Variants in PRPH2 observed in about 807,000 individuals in gnomAD.
PRPH2 encodes peripherin 2, also known as peripherin-2.
Under a neutral mutation model 31.3 loss-of-function variants are expected in PRPH2, and 17 were observed. The observed-to-expected ratio is 0.54, with a 90% CI of 0.37 to 0.81. PRPH2 has a LOEUF of 0.81. Among genes scored for constraint, PRPH2 ranks in the 40% least tolerant of loss-of-function variants. PRPH2 has a pLI of 0.00. For missense variants in PRPH2, 430 were observed against 439.7 expected (o/e 0.98, Z 0.20); for synonymous variants, 165 against 184.4 (o/e 0.89, Z 0.85).
intron 1 of PRPH2, among the ~76,000 whole-genome samples, chr6:42,711,151 T>A (rs974933945): frequency 1.3e-5 from 2 of 152,150 alleles, no homozygotes; most frequent in African/African-American, 4.8e-5. Context: ...GTGACTGGAT[T>A]ACAAGCGCTC....
chr6:42,698,609 C>A, intron 2 of PRPH2, 102 bp from the exon 3 acceptor site: 2 of 1,522,700 alleles, frequency 1.3e-6, no homozygotes, highest in South Asian at 1.2e-5. Flanking sequence ...CCAGAGAGGA[C>A]TCAACCTGAG....
rs1322770706 is a variant in PRPH2, at chr6:42,722,501, C to A, written c.-167G>T. The A allele has an allele frequency of 6.7e-7, 1 of 1,497,064 alleles. No homozygotes were observed. Among genetic ancestry groups the A allele is most frequent in the Non-Finnish European group, 8.9e-7 (1 of 1,128,060 alleles). 92.7% of individuals were successfully genotyped at this position (1,497,064 alleles called of 1,614,324 possible). A position where few individuals can be genotyped will look rare whatever the true frequency, so the allele number is the denominator to read the frequency against. ...TCGAGTCCCACTAGCCTGGGATCCC[C>A]GTGAATGCAGTAGTGGTGGCAGGGG... On this transcript the variant is annotated 5_prime_UTR_variant, in exon 1 of 3. Coordinates refer to ENST00000230381, the MANE Select transcript of PRPH2 (RefSeq NM_000322.5). The surrounding 1 kb of genome is among the most constrained non-coding windows in gnomAD (Gnocchi z 4.4).
intron 1 of PRPH2, chr6:42,712,077 C>G (rs1212701699): frequency 1.7e-6 from 1 of 592,198 alleles, no homozygotes; most frequent in Non-Finnish European, 2.1e-6. Context: ...ACCCAGACTA[C>G]TGGTTTATGA....
chr6:42,700,665 C>T (rs1328368800), intron 2 of PRPH2, among the ~76,000 whole-genome samples: 1 of 152,210 alleles, frequency 6.6e-6, no homozygotes, highest in Non-Finnish European at 1.5e-5. Flanking sequence ...TCCCCTCCTG[C>T]TTTCCTGAAG....
chr6:42,722,064 A>T lies in PRPH2; in HGVS notation c.271T>A (p.Tyr91Asn), dbSNP rs747893076. Residue 91 changes from tyrosine to asparagine, a missense_variant, in exon 1 of 3, where the codon TAT becomes AAT. Transcript: ENST00000230381. This position sits in a 1 kb window ranked among gnomAD's most constrained non-coding sequence, Gnocchi z 4.4. ...TTCAGCCAGGGCTTCCATCTGGCAT[A>T]CTTGGCTGGGTCCAGGGCGTCGTAG... ...ICYDALDPAK[Y>N]ARWKPWLKPY... The T allele has an allele frequency of 3.9e-5, 63 of 1,614,076 alleles. No homozygotes were observed. Among genetic ancestry groups the T allele is most frequent in the Non-Finnish European group, 1.2e-5 (14 of 1,180,046 alleles).
At chr6:42,707,150 T>A (rs1329995095) in intron 1 of PRPH2, among the ~76,000 whole-genome samples, 1 of 152,146 alleles carries the variant, frequency 6.6e-6, no homozygotes, top group Non-Finnish European at 1.5e-5. Flanking sequence ...TCCACCTGCC[T>A]CAGCCTCCCA....
At chr6:42,713,061 C>T (rs1379440960) in intron 1 of PRPH2, among the ~76,000 whole-genome samples, 1 of 151,472 alleles carries the variant, frequency 6.6e-6, no homozygotes, top group Non-Finnish European at 1.5e-5. Flanking sequence ...CCTGTCTCTA[C>T]TAAAAATATA....
intron 2 of PRPH2, among the ~76,000 whole-genome samples, chr6:42,701,666 G>A (rs1057307386): frequency 1.6e-5 from 2 of 126,060 alleles, no homozygotes; most frequent in Admixed American, 9.3e-5. Flanking sequence ...ATAGGCATGC[G>A]CCACCACGTC....
At chr6:42,704,635 A>G (rs1800119462) in intron 1 of PRPH2, 24 bp from the exon 2 acceptor site, 7 of 1,614,186 alleles carry the variant, frequency 4.3e-6, no homozygotes, top group Non-Finnish European at 5.9e-6. Context: ...AGACAGCTGG[A>G]GATGGGCTTC....
chr6:42,704,247 A>G, intron 2 of PRPH2, 118 bp downstream of exon 2: 1 of 1,376,068 alleles, frequency 7.3e-7, no homozygotes, highest in Non-Finnish European at 1.0e-6. Flanking sequence ...CCACAGCTCC[A>G]CTGAAGGCTG....
At chr6:42,718,181 C>T (rs915399961) in intron 1 of PRPH2, among the ~76,000 whole-genome samples, 42 of 151,580 alleles carry the variant, frequency 2.8e-4, no homozygotes, top group African/African-American at 9.5e-4. Context: ...TGTGGTGGCT[C>T]ACGTCTGTAG....
rs977026804 is a variant in PRPH2, at chr6:42,722,520, G to GC, written c.-187dup. On this transcript the variant is annotated 5_prime_UTR_variant, in exon 1 of 3. Transcript: ENST00000230381. The surrounding 1 kb of genome is among the most constrained non-coding windows in gnomAD (Gnocchi z 4.4). ...GATCCCCGTGAATGCAGTAGTGGTG[G>GC]CAGGGGTCTCGGAATCACAGCTTGA... The GC allele has an allele frequency of 6.1e-6, 9 of 1,467,982 alleles. No individual in the cohort carries two copies. In the African/African-American group the frequency reaches 1.3e-4, roughly 21 times the overall value. 90.9% of individuals were successfully genotyped at this position (1,467,982 alleles called of 1,614,324 possible).
At chr6:42,716,192 A>G (rs1184818702) in intron 1 of PRPH2, among the ~76,000 whole-genome samples, 2 of 152,130 alleles carry the variant, frequency 1.3e-5, no homozygotes, top group African/African-American at 4.8e-5. Flanking sequence ...TCCTCAGGTC[A>G]AGTAGGAGAA....
intron 1 of PRPH2, among the ~76,000 whole-genome samples, chr6:42,716,858 G>A (rs981456213): frequency 6.7e-6 from 1 of 148,376 alleles, no homozygotes; most frequent in African/African-American, 2.5e-5. Context: ...GACCTCAAGT[G>A]ATCCACCCGC....
In PRPH2 at chr6:42,722,315, T is replaced by C; in HGVS notation, c.20A>G (p.Lys7Arg). The C allele has an allele frequency of 6.2e-7, 1 of 1,613,980 alleles. No individual in the cohort carries two copies. Among genetic ancestry groups the C allele is most frequent in the South Asian group, 1.1e-5 (1 of 91,090 alleles). ...CTTGACCCGCTTCTTCTGGTCAAAC[T>C]TGACTTTCAGTAGCGCCATGCTTGC... MALLKVKFDQKKRVKLA... is the reference protein window; with the variant it reads MALLKVRFDQKKRVKLA... Residue 7 changes from lysine to arginine, a missense_variant, in exon 1 of 3, where the codon AAG (lysine) becomes AGG (arginine). By Grantham distance (26) the Lys-to-Arg change is conservative. Transcript: ENST00000230381. The surrounding 1 kb of genome is among the most constrained non-coding windows in gnomAD (Gnocchi z 4.4).
rs1326925923 is a variant in PRPH2 at position 42,698,515 on chromosome 6, T to C, written c.829-8A>G. Reference sequence around the variant, plus strand: ...CCCAATTGTAATGGTCACCTGGTGGTGGGAGAGGAGATTTAGAGGCAATCT... The same window carrying C: ...CCCAATTGTAATGGTCACCTGGTGGCGGGAGAGGAGATTTAGAGGCAATCT... On this transcript the variant is annotated splice_polypyrimidine_tract_variant and splice_region_variant and intron_variant, in intron 2 of 2. Transcript: ENST00000230381. The C allele has an allele frequency of 1.2e-6, 2 of 1,614,070 alleles. No homozygotes were observed.
At position 42,705,617 on chromosome 6, in the gene PRPH2, T is replaced by A. The variant is rs1369576422; in HGVS notation, c.582-1006A>T. On this transcript the variant is annotated intron_variant, in intron 1 of 2. Coordinates refer to ENST00000230381, the MANE Select transcript of PRPH2 (RefSeq NM_000322.5). ...AAAAAAAAATATATATATATATATA[T>A]ATATATATATATATTTGTGCACTTG... Among the ~76,000 whole-genome samples the A allele has an allele frequency of 1.2e-4, 15 of 121,120 alleles. 1 individual carries two copies. Among genetic ancestry groups the A allele is most frequent in the East Asian group, 4.9e-4 (2 of 4,042 alleles). The allele number at this position is 121,120 out of a possible 152,430, so 79.5% of individuals were successfully genotyped here. A position where few individuals can be genotyped will look rare whatever the true frequency, so the allele number is the denominator to read the frequency against.
intron 1 of PRPH2, 152 bp from the exon 2 acceptor site, chr6:42,704,763 T>A: frequency 8.1e-7 from 1 of 1,229,898 alleles, no homozygotes; most frequent in Admixed American, 2.0e-5. Flanking sequence ...CCAGTCACTG[T>A]TCTAGGCGCT....
rs1411095029 is a variant in PRPH2 at position 42,716,621 on chromosome 6, T to G, written c.581+5133A>C. 9.3e-4 allele frequency among the ~76,000 whole-genome samples: 134 copies of G among 144,122 alleles called. 2 individuals carry two copies. Among genetic ancestry groups the G allele is most frequent in the Middle Eastern group, 3.5e-3 (1 of 286 alleles). The allele number at this position is 144,122 out of a possible 152,430, so 94.5% of individuals were successfully genotyped here. The stretch of plus-strand genomic sequence containing the variant: ...TGGTTTGGTTTGGTTGGTTTTTTTT[T>G]TTTTTTTTTTTTTTTTGAGATGAAG... On this transcript the variant is annotated intron_variant, in intron 1 of 2. Transcript: ENST00000230381.
Sources: gnomAD v4.1 joint callset for allele counts (sites outside exome capture counted in the v4.1 genomes callset) on GRCh38, gnomAD v4.1.1 for gene constraint, Gnocchi (gnomAD v3.1) non-coding constraint, MANE v1.5 for transcripts, NCBI Gene and HGNC (gene_info 2026-07-23, HGNC 2026-07-21) for gene names.